EPM2A: variants seen among roughly 807,000 people sequenced by gnomAD.
The protein encoded by EPM2A is EPM2A glucan phosphatase, laforin.
EPM2A carries 21 observed loss-of-function variants against 26.5 expected under a neutral mutation model. The observed-to-expected ratio is 0.79, with a 90% CI of 0.56 to 1.14. EPM2A has a LOEUF of 1.14. EPM2A is among the 50% of genes most tolerant of loss of function. The pLI is 0.00. For synonymous variants in EPM2A, 217 were observed against 177.6 expected (o/e 1.22, Z -1.76); for missense variants, 458 against 440.8 (o/e 1.04, Z -0.35).
chr6:145,577,534 CA>C (rs1394010181), intron 2 of EPM2A, among the ~76,000 whole-genome samples: 1 of 151,832 alleles, frequency 6.6e-6, no homozygotes, highest in Non-Finnish European at 1.5e-5. Flanking sequence ...CTGGATCACC[CA>C]CATATATAAA....
intron 4 of EPM2A, among the ~76,000 whole-genome samples, chr6:145,459,083 T>C (rs1027450680): frequency 6.6e-6 from 1 of 152,016 alleles, no homozygotes; most frequent in Non-Finnish European, 1.5e-5. Flanking sequence ...CTTATTAAAA[T>C]GGTAAAGAAG....
chr6:145,494,259 G>C (rs1779790664), intron 4 of EPM2A, among the ~76,000 whole-genome samples: 2 of 152,170 alleles, frequency 1.3e-5, no homozygotes, highest in Non-Finnish European at 2.9e-5. Flanking sequence ...ACAGTTTCCA[G>C]TTTATGTGTA....
At chr6:145,440,780 C>A (rs999992831) in intron 4 of EPM2A, among the ~76,000 whole-genome samples, 8 of 152,246 alleles carry the variant, frequency 5.3e-5, no homozygotes, top group Admixed American at 3.9e-4. Flanking sequence ...ATATCCAGGT[C>A]ATTTGATGTA....
intron 2 of EPM2A, among the ~76,000 whole-genome samples, chr6:145,599,546 C>A (rs1007116012): frequency 2.0e-5 from 3 of 151,810 alleles, no homozygotes; most frequent in African/African-American, 4.8e-5. Context: ...TTCTTTATAG[C>A]ATTCTCTTCT....
intron 2 of EPM2A, among the ~76,000 whole-genome samples, chr6:145,679,899 G>A (rs748131823): frequency 2.0e-5 from 3 of 152,024 alleles, no homozygotes; most frequent in Non-Finnish European, 4.4e-5. Context: ...GAATATACAC[G>A]TGGAATACTG....
intron 2 of EPM2A, among the ~76,000 whole-genome samples, chr6:145,646,564 T>C (rs755621875): frequency 6.6e-6 from 1 of 152,040 alleles, no homozygotes; most frequent in Non-Finnish European, 1.5e-5. Flanking sequence ...CTACACACAT[T>C]TATTCTTACC....
chr6:145,447,337 A>G (rs1487268060), intron 4 of EPM2A, among the ~76,000 whole-genome samples: 2 of 152,156 alleles, frequency 1.3e-5, no homozygotes, highest in Non-Finnish European at 2.9e-5. Flanking sequence ...AATTCTTATG[A>G]GCCAATAAGT....
chr6:145,717,890 A>T (rs1483326988), intron 1 of EPM2A, among the ~76,000 whole-genome samples: 1 of 151,892 alleles, frequency 6.6e-6, no homozygotes, highest in East Asian at 1.9e-4. Flanking sequence ...AGAATAAAAT[A>T]CCTAGGAATC....
intron 2 of EPM2A, among the ~76,000 whole-genome samples, chr6:145,645,264 C>A (rs1777374331): frequency 6.6e-6 from 1 of 152,190 alleles, no homozygotes; most frequent in African/African-American, 2.4e-5. Context: ...AGGACATTCA[C>A]ATTTCCATCT....
At chr6:145,711,137 T>C (rs142315489) in intron 1 of EPM2A, among the ~76,000 whole-genome samples, 7 of 151,790 alleles carry the variant, frequency 4.6e-5, no homozygotes, top group African/African-American at 1.2e-4. Context: ...AAAAAAAGGA[T>C]TGGGGGATTG....
intron 2 of EPM2A, among the ~76,000 whole-genome samples, chr6:145,660,453 C>G (rs1778606036): frequency 6.6e-6 from 1 of 152,152 alleles, no homozygotes; most frequent in Admixed American, 6.5e-5. Flanking sequence ...AGACACTAAG[C>G]CTTGTTTAAC....
intron 2 of EPM2A, chr6:145,682,463 CA>C (rs1780616012): frequency 1.3e-5 from 2 of 152,166 alleles, no homozygotes; most frequent in South Asian, 4.1e-4. Flanking sequence ...CATTTCTGTT[CA>C]AGTTCTACGT....
chr6:145,585,382 C>A (rs1187584045), intron 2 of EPM2A, among the ~76,000 whole-genome samples: 1 of 152,112 alleles, frequency 6.6e-6, no homozygotes, highest in Non-Finnish European at 1.5e-5. Context: ...TTGAAGTTTT[C>A]TCACAGCTCA....
At chr6:145,723,671 C>T (rs999710941) in intron 1 of EPM2A, among the ~76,000 whole-genome samples, 1 of 152,056 alleles carries the variant, frequency 6.6e-6, no homozygotes, top group South Asian at 2.1e-4. Flanking sequence ...GGACTATAAT[C>T]CCTAAGAGAA....
At position 145,516,348 on chromosome 6, in the gene EPM2A, T is replaced by C. The variant is rs150336552; in HGVS notation, c.341-13773A>G. Among the ~76,000 whole-genome samples, 1,066 of 152,260 alleles carry C rather than the reference T, an allele frequency of 7.0e-3. 7 individuals are homozygous for C. Among genetic ancestry groups the C allele is most frequent in the Non-Finnish European group, 9.5e-3 (644 of 68,002 alleles). ...ATTGAATTTGTAACCAAGTGGAACA[T>C]TTCAGGAGCTCAACTAGAAATCAAC... On this transcript the variant is annotated intron_variant, in intron 2 of 3. Transcript: ENST00000450221.
chr6:145,494,020 C>T (rs1352451517), intron 4 of EPM2A, among the ~76,000 whole-genome samples: 1 of 152,208 alleles, frequency 6.6e-6, no homozygotes, highest in Non-Finnish European at 1.5e-5. Flanking sequence ...GGAGCAGTCC[C>T]TCTTTTTCCA....
At chr6:145,448,131 A>G (rs1425695646) in intron 4 of EPM2A, among the ~76,000 whole-genome samples, 2 of 152,182 alleles carry the variant, frequency 1.3e-5, no homozygotes, top group East Asian at 1.9e-4. Flanking sequence ...GTGATTTCAC[A>G]TAAGTGATTA....
chr6:145,450,664 TG>T (rs1015248544), intron 4 of EPM2A, among the ~76,000 whole-genome samples: 9 of 152,358 alleles, frequency 5.9e-5, no homozygotes, highest in African/African-American at 2.2e-4. Context: ...TCTTCTCTCC[TG>T]TGCTCTGTAC....
Position 145,720,189 on chromosome 6 carries a change from T to A in EPM2A, c.301+15009A>T, listed in dbSNP as rs543693155. On this transcript the variant is annotated intron_variant, in intron 1 of 3. Coordinates refer to ENST00000367519, the MANE Select transcript of EPM2A (RefSeq NM_005670.4). ...ACTTCTAACCACATTAAGTAAAGAC[T>A]GAAGTCTGTGCAAAAAAGCATACAT... Among the ~76,000 whole-genome samples the A allele has an allele frequency of 2.6e-5, 4 of 152,280 alleles. No homozygotes were observed. The Middle Eastern group carries it at 0.01, about 391-fold the overall frequency.
Sources: gnomAD v4.1 joint callset for allele counts (sites outside exome capture counted in the v4.1 genomes callset) on GRCh38, gnomAD v4.1.1 for gene constraint, MANE v1.5 for transcripts, NCBI Gene and HGNC (gene_info 2026-07-23, HGNC 2026-07-21) for gene names.